Variants in EYS observed in about 807,000 individuals in gnomAD.
EYS encodes EGF-like photoreceptor maintenance factor.
A neutral mutation model predicts 282.1 loss-of-function variants in EYS; 250 were observed. The ratio of observed to expected loss-of-function variants is 0.89; its 90% confidence interval spans 0.80 to 0.98. The LOEUF is 0.98. Among genes scored for constraint, EYS ranks in the 50% least tolerant of loss-of-function variants. The pLI is 0.00. For synonymous variants in EYS, 1,355 were observed against 1,282.9 expected, an observed-to-expected ratio of 1.06 and a Z score of -1.20; for missense variants, 4,016 against 3,709.0, an observed-to-expected ratio of 1.08 and a Z score of -2.15.
At position 65,369,752 on chromosome 6, in the gene EYS, C is replaced by CTGTCA. The variant is rs533060928; in HGVS notation, c.1299+14633_1299+14634insTGACA. On this transcript the variant is annotated intron_variant, in intron 8 of 42. Transcript: ENST00000503581. Reference sequence around the variant, plus strand: ...CAAACTTGGCTTCTATAGCCAAACGCCAGTAGCAGCCCTGATCTCTACTTG... The same window carrying CTGTCA: ...CAAACTTGGCTTCTATAGCCAAACGCTGTCACAGTAGCAGCCCTGATCTCTACTTG... Among the ~76,000 whole-genome samples, 559 of 151,730 alleles carry CTGTCA rather than the reference C, an allele frequency of 3.7e-3. 4 individuals are homozygous for CTGTCA. Among genetic ancestry groups the CTGTCA allele is most frequent in the Middle Eastern group, 0.01 (3 of 294 alleles).
At chr6:65,020,439 G>C (rs1212196151) in intron 13 of EYS, among the ~76,000 whole-genome samples, 1 of 152,146 alleles carries the variant, frequency 6.6e-6, no homozygotes, top group Non-Finnish European at 1.5e-5. Context: ...GTTCCAAAAT[G>C]GTCTCCTTTG....
intron 31 of EYS, among the ~76,000 whole-genome samples, chr6:64,222,898 T>C (rs1026977954): frequency 4.0e-5 from 6 of 151,894 alleles, no homozygotes; most frequent in Admixed American, 3.3e-4. Flanking sequence ...TTTGTTTTAG[T>C]CTTATATTAA....
At chr6:63,760,474 A>G (rs968715653) in intron 41 of EYS, among the ~76,000 whole-genome samples, 4 of 152,036 alleles carry the variant, frequency 2.6e-5, no homozygotes, top group African/African-American at 9.7e-5. Flanking sequence ...TATTCTAACC[A>G]AATTGTTATT....
chr6:65,621,546 C>A (rs1000449584), intron 2 of EYS, among the ~76,000 whole-genome samples: 1 of 150,144 alleles, frequency 6.7e-6, no homozygotes, highest in African/African-American at 2.5e-5. Flanking sequence ...CCATTTAGTC[C>A]ATTTACATTT....
intron 26 of EYS, among the ~76,000 whole-genome samples, chr6:64,543,764 T>A (rs930908137): frequency 6.6e-6 from 1 of 152,128 alleles, no homozygotes. Flanking sequence ...AATTTATCAG[T>A]TTCCTATCCT....
At chr6:64,753,565 T>G (rs1772835523) in intron 22 of EYS, among the ~76,000 whole-genome samples, 2 of 142,594 alleles carry the variant, frequency 1.4e-5, no homozygotes, top group African/African-American at 2.6e-5. Context: ...CAATAAAAAG[T>G]AAAACAATTG....
chr6:64,727,952 A>G (rs1350862900), intron 22 of EYS, among the ~76,000 whole-genome samples: 3 of 152,224 alleles, frequency 2.0e-5, no homozygotes, highest in Non-Finnish European at 2.9e-5. Context: ...TACAATTGAA[A>G]CCACTACTGA....
Position 64,686,761 on chromosome 6 carries a change from A to ATGTG in EYS, c.3444-60520_3444-60517dup, listed in dbSNP as rs1179411692. On this transcript the variant is annotated intron_variant, in intron 22 of 42. Transcript: ENST00000503581. ...CATCTAAATATATATATATATATAT[A>ATGTG]TGTGTGTATATATATATATATATAT... Among the ~76,000 whole-genome samples the ATGTG allele has an allele frequency of 1.5e-4, 3 of 19,460 alleles. 1 individual carries two copies. The highest frequency in any genetic ancestry group is 4.0e-4 in the Non-Finnish European group (3 of 7,486). The allele number at this position is 19,460 out of a possible 152,430, so 12.8% of individuals were successfully genotyped here.
intron 13 of EYS, among the ~76,000 whole-genome samples, chr6:65,010,080 C>T (rs909237679): frequency 6.6e-6 from 1 of 152,158 alleles, no homozygotes; most frequent in African/African-American, 2.4e-5. Flanking sequence ...ACCCAAGCCC[C>T]AGTGTTAAGC....
chr6:65,398,547 A>G lies in EYS; in HGVS notation c.1184+3931T>C, dbSNP rs112177188. Among the ~76,000 whole-genome samples, 419 of 152,212 alleles carry G rather than the reference A, an allele frequency of 2.8e-3. 4 individuals carry two copies. The highest frequency in any genetic ancestry group is 9.7e-3 in the African/African-American group (404 of 41,576). On this transcript the variant is annotated intron_variant, in intron 7 of 42. Coordinates refer to ENST00000503581, the MANE Select transcript of EYS (RefSeq NM_001142800.2). Reference sequence around the variant, plus strand: ...AAAAAACTAGGAGAAACTCTTCCAGACATTGGCCTAGGCAAAGAATTAATG... The same window carrying G: ...AAAAAACTAGGAGAAACTCTTCCAGGCATTGGCCTAGGCAAAGAATTAATG...
At chr6:65,064,233 TATATATG>T (rs1773668073) in intron 12 of EYS, among the ~76,000 whole-genome samples, 1 of 138,536 alleles carries the variant, frequency 7.2e-6, no homozygotes, top group African/African-American at 2.8e-5. Context: ...ATGTATGATA[TATATATG>T]ATATATATGA....
At chr6:64,758,902 G>T (rs1773066380) in intron 22 of EYS, among the ~76,000 whole-genome samples, 1 of 152,162 alleles carries the variant, frequency 6.6e-6, no homozygotes, top group Non-Finnish European at 1.5e-5. Flanking sequence ...ACTTTGGAAG[G>T]CCGAGGTCGG....
intron 35 of EYS, among the ~76,000 whole-genome samples, chr6:63,927,338 A>G (rs946945391): frequency 1.3e-5 from 2 of 152,238 alleles, no homozygotes; most frequent in African/African-American, 4.8e-5. Flanking sequence ...TGCCCTTTGC[A>G]TTAAGTCAGA....
At chr6:65,153,661 T>C (rs1443396536) in intron 12 of EYS, among the ~76,000 whole-genome samples, 2 of 151,768 alleles carry the variant, frequency 1.3e-5, no homozygotes, top group Non-Finnish European at 2.9e-5. Flanking sequence ...TATTCTCTTG[T>C]TAACTGCATA....
chr6:63,994,467 C>T (rs948199028), intron 34 of EYS, among the ~76,000 whole-genome samples: 1 of 151,874 alleles, frequency 6.6e-6, no homozygotes, highest in African/African-American at 2.4e-5. Flanking sequence ...AGACGAGAGA[C>T]CCTGAAAGGC....
At chr6:65,218,858 TAGAGA>T (rs1766385668) in intron 12 of EYS, among the ~76,000 whole-genome samples, 1 of 151,928 alleles carries the variant, frequency 6.6e-6, no homozygotes, top group South Asian at 2.1e-4. Context: ...TGTGGTCGGG[TAGAGA>T]AGAGAAAAGG....
At chr6:63,899,289 C>T (rs1581951808) in intron 35 of EYS, among the ~76,000 whole-genome samples, 1 of 151,986 alleles carries the variant, frequency 6.6e-6, no homozygotes, top group Non-Finnish European at 1.5e-5. Context: ...AGTTTTTTTT[C>T]TGAGTATCTT....
intron 35 of EYS, among the ~76,000 whole-genome samples, chr6:63,947,368 C>G (rs1362997961): frequency 2.0e-5 from 3 of 151,466 alleles, no homozygotes; most frequent in Non-Finnish European, 4.4e-5. Flanking sequence ...TTAAAAAGTA[C>G]TAAGAAATAA....
chr6:63,836,137 A>G (rs918884508), intron 36 of EYS, among the ~76,000 whole-genome samples: 1 of 152,064 alleles, frequency 6.6e-6, no homozygotes, highest in Non-Finnish European at 1.5e-5. Flanking sequence ...ACTTTGAGAA[A>G]TTGCTAAACT....
Sources: gnomAD v4.1 joint callset for allele counts (sites outside exome capture counted in the v4.1 genomes callset) on GRCh38, gnomAD v4.1.1 for gene constraint, MANE v1.5 for transcripts, NCBI Gene and HGNC (gene_info 2026-07-23, HGNC 2026-07-21) for gene names.